The following ANKIB1 variants were observed in gnomAD, a reference collection of about 807,000 sequenced individuals.
ANKIB1 encodes ankyrin repeat and IBR domain-containing protein 1.
Under a neutral mutation model 122.1 loss-of-function variants are expected in ANKIB1, and 43 were observed. That is an observed-to-expected ratio of 0.35 (90% CI 0.28 to 0.45). The LOEUF is 0.45. Among genes scored for constraint, ANKIB1 ranks in the 20% least tolerant of loss-of-function variants. ANKIB1 has a pLI of 1.00. For missense variants in ANKIB1, 992 were observed against 1,329.5 expected (o/e 0.75, Z 3.95); for synonymous variants, 390 against 442.0 (o/e 0.88, Z 1.48).
chr7:92,309,942 A>AAAAAAAAATATATAT (rs1335765681), intron 3 of ANKIB1, among the ~76,000 whole-genome samples: 1 of 91,786 alleles, frequency 1.1e-5, no homozygotes, highest in African/African-American at 4.8e-5. Context: ...AAAAAAAAAA[A>AAAAAAAAATATATAT]ATATATATAT....
chr7:92,260,859 AG>A (rs1191010450), intron 1 of ANKIB1, among the ~76,000 whole-genome samples: 1 of 152,168 alleles, frequency 6.6e-6, no homozygotes, highest in African/African-American at 2.4e-5. Flanking sequence ...AGCACATGAT[AG>A]GTGGTTGATA....
rs73230440 is a variant in ANKIB1, at chr7:92,356,823, G to A, written c.1397+4181G>A. 9.4e-4 allele frequency among the ~76,000 whole-genome samples: 143 copies of A among 152,174 alleles called. 1 individual carries two copies. The highest frequency in any genetic ancestry group is 2.7e-3 in the South Asian group (13 of 4,818). On this transcript the variant is annotated intron_variant, in intron 9 of 19. Transcript: ENST00000265742. ...GAACCTCTCTGTGCATGTAAAATGG[G>A]GATAAATAGTACCAGTTACAAAGAG... is the stretch of plus-strand genomic sequence containing the variant.
chr7:92,370,184 G>A (rs1286048366), intron 10 of ANKIB1, among the ~76,000 whole-genome samples: 1 of 152,046 alleles, frequency 6.6e-6, no homozygotes, highest in East Asian at 1.9e-4. Flanking sequence ...TGGGATGGGT[G>A]GCTGGCAGGG....
rs578224971 is a variant in ANKIB1 at position 92,318,705 on chromosome 7, A to G, written c.487-625A>G. On this transcript the variant is annotated intron_variant, in intron 3 of 19. Transcript: ENST00000265742. ...TCATTACTAAACAAGTCAAGCTACTATTCCATGTGTTTTTAAAGGTGGGAT... is the reference window on the plus strand; with the variant it reads ...TCATTACTAAACAAGTCAAGCTACTGTTCCATGTGTTTTTAAAGGTGGGAT... Among the ~76,000 whole-genome samples the G allele has an allele frequency of 6.6e-5, 10 of 152,312 alleles. No homozygotes were observed. The South Asian group carries it at 2.1e-3, about 32-fold the overall frequency.
At chr7:92,280,273 A>G (rs1464201215) in intron 1 of ANKIB1, among the ~76,000 whole-genome samples, 1 of 152,222 alleles carries the variant, frequency 6.6e-6, no homozygotes, top group Non-Finnish European at 1.5e-5. Context: ...TTCTGTGAAA[A>G]TTTCCTTTTT....
intron 3 of ANKIB1, among the ~76,000 whole-genome samples, chr7:92,314,224 G>A (rs547125931): frequency 6.6e-6 from 1 of 152,096 alleles, no homozygotes; most frequent in East Asian, 1.9e-4. Flanking sequence ...CTTGAGCCCA[G>A]GAGGTGGAGG....
At position 92,256,054 on chromosome 7, in the gene ANKIB1, G is replaced by A. The variant is rs184581365; in HGVS notation, c.-91+9535G>A. Among the ~76,000 whole-genome samples, 362 of 152,306 alleles carry A rather than the reference G, an allele frequency of 2.4e-3. 2 individuals carry two copies. The highest frequency in any genetic ancestry group is 8.2e-3 in the African/African-American group (340 of 41,572). ...CAAGTTATGGAGGAAGGACTTTGAA[G>A]TTAGTTGAGGGCTGGGGAGCTATTA... On this transcript the variant is annotated intron_variant, in intron 1 of 19. Coordinates refer to ENST00000265742, the MANE Select transcript of ANKIB1 (RefSeq NM_019004.2).
At chr7:92,324,239 A>T (rs1280735145) in intron 4 of ANKIB1, among the ~76,000 whole-genome samples, 5 of 152,132 alleles carry the variant, frequency 3.3e-5, no homozygotes, top group African/African-American at 7.2e-5. Flanking sequence ...GAATTTTTTT[A>T]AAATTATTTT....
At chr7:92,379,972 G>T (rs916947005) in intron 11 of ANKIB1, among the ~76,000 whole-genome samples, 4 of 152,158 alleles carry the variant, frequency 2.6e-5, no homozygotes, top group African/African-American at 9.7e-5. Flanking sequence ...TAAAGGGTTG[G>T]GGGATTTCCC....
chr7:92,343,555 C>G (rs185149099), intron 6 of ANKIB1, among the ~76,000 whole-genome samples: 1 of 152,218 alleles, frequency 6.6e-6, no homozygotes, highest in Non-Finnish European at 1.5e-5. Context: ...AGGCCAGGCA[C>G]AGTAAGTAGC....
At chr7:92,383,070 T>C (rs1804556167) in intron 11 of ANKIB1, among the ~76,000 whole-genome samples, 1 of 152,068 alleles carries the variant, frequency 6.6e-6, no homozygotes, top group South Asian at 2.1e-4. Context: ...TCACCACTAA[T>C]CCCACAGAAA....
At chr7:92,257,990 T>A (rs993726420) in intron 1 of ANKIB1, among the ~76,000 whole-genome samples, 10 of 152,222 alleles carry the variant, frequency 6.6e-5, no homozygotes, top group African/African-American at 2.4e-4. Flanking sequence ...ATTTGAGTAA[T>A]CTTCTGAGAG....
At chr7:92,304,988 A>G (rs144401696) in intron 2 of ANKIB1, among the ~76,000 whole-genome samples, 8 of 152,192 alleles carry the variant, frequency 5.3e-5, no homozygotes, top group South Asian at 2.1e-4. Flanking sequence ...TTATATTTCC[A>G]CTTAGTTATA....
chr7:92,389,104 C>G (rs1463248416), intron 14 of ANKIB1, among the ~76,000 whole-genome samples: 1 of 152,082 alleles, frequency 6.6e-6, no homozygotes, highest in East Asian at 1.9e-4. Flanking sequence ...ATTCAACATT[C>G]TGGAGGTTCC....
intron 1 of ANKIB1, among the ~76,000 whole-genome samples, chr7:92,252,386 CTTTTTT>C (rs34891046): frequency 7.5e-6 from 1 of 134,184 alleles, no homozygotes. Context: ...TAAGGTACTA[CTTTTTT>C]TTTTTTTTTT....
At chr7:92,288,738 G>T (rs1423695596) in intron 1 of ANKIB1, among the ~76,000 whole-genome samples, 1 of 152,074 alleles carries the variant, frequency 6.6e-6, no homozygotes, top group Non-Finnish European at 1.5e-5. Flanking sequence ...CAAGATGTAT[G>T]CATGGCAAAT....
At chr7:92,293,470 A>ATG (rs776685619) in intron 1 of ANKIB1, among the ~76,000 whole-genome samples, 4 of 152,140 alleles carry the variant, frequency 2.6e-5, no homozygotes, top group Non-Finnish European at 5.9e-5. Context: ...TATTATAGGC[A>ATG]TGTGCCACCA....
chr7:92,319,283 C>G, intron 3 of ANKIB1, 47 bp from the exon 4 acceptor site: 1 of 1,188,434 alleles, frequency 8.4e-7, no homozygotes. Flanking sequence ...CATGAAATAA[C>G]TTATTTGAAC....
intron 4 of ANKIB1, among the ~76,000 whole-genome samples, chr7:92,323,826 C>T (rs1239873071): frequency 6.6e-6 from 1 of 152,178 alleles, no homozygotes; most frequent in Non-Finnish European, 1.5e-5. Flanking sequence ...AAACATTATG[C>T]TAAGTGCGAG....
Sources: allele counts gnomAD v4.1 joint callset (sites outside exome capture counted in the v4.1 genomes callset), GRCh38; gene constraint gnomAD v4.1.1; transcripts MANE v1.5; gene names NCBI Gene and HGNC (gene_info 2026-07-23, HGNC 2026-07-21).